Variants in CNBD2 observed in about 807,000 individuals in gnomAD.
CNBD2 encodes cyclic nucleotide binding domain containing 2.
CNBD2 carries 64 observed loss-of-function variants against 63.7 expected under a neutral mutation model. That is an observed-to-expected ratio of 1.00 (90% CI 0.82 to 1.24). The LOEUF (loss-of-function observed/expected upper bound fraction) is 1.24. Among genes scored for constraint, CNBD2 ranks in the 50% most tolerant of loss-of-function variants. The probability of loss-of-function intolerance (pLI) is 0.00; values close to 1 mark genes in which losing one functional copy is unlikely to be tolerated. For synonymous variants in CNBD2, 229 were observed against 255.4 expected, an observed-to-expected ratio of 0.90 and a Z score of 0.99; for missense variants, 691 against 713.5, an observed-to-expected ratio of 0.97 and a Z score of 0.36.
At chr20:36,018,876 A>T (rs2057170189) in intron 10 of CNBD2, among the ~76,000 whole-genome samples, 2 of 152,172 alleles carry the variant, frequency 1.3e-5, no homozygotes, top group Admixed American at 1.3e-4. Flanking sequence ...TCCCTTTCTG[A>T]ATCTATGTCA....
At chr20:35,955,180 C>T (rs1000532386) in exon 1 of CNBD2, 2 of 163,962 alleles carry the variant, frequency 1.2e-5, no homozygotes, top group Admixed American at 1.3e-4. Flanking sequence ...TGAGTTGACT[C>T]AGCTCTTGCA....
At chr20:35,954,886 G>A (rs567139292) in exon 1 of CNBD2, 554 of 279,916 alleles carry the variant, frequency 2.0e-3, no homozygotes, top group Non-Finnish European at 3.6e-3. Flanking sequence ...GTGGTGACCC[G>A]AACAGGAGAG....
At chr20:36,000,740 A>G (rs1601067245) in intron 8 of CNBD2, among the ~76,000 whole-genome samples, 1 of 126,192 alleles carries the variant, frequency 7.9e-6, no homozygotes, top group Non-Finnish European at 1.7e-5. Context: ...TTTTTTTTTC[A>G]TTTGTGTATG....
intron 1 of CNBD2, among the ~76,000 whole-genome samples, chr20:35,972,387 G>A (rs1273494905): frequency 6.6e-6 from 1 of 152,172 alleles, no homozygotes; most frequent in Non-Finnish European, 1.5e-5. Context: ...GGGGAGAGAT[G>A]TCCTGACTAG....
intron 2 of CNBD2, chr20:35,973,518 TC>T (rs1470060903): frequency 2.6e-5 from 4 of 152,170 alleles, no homozygotes; most frequent in African/African-American, 9.7e-5. Flanking sequence ...CACACCATTC[TC>T]CTGCCTCAGC....
intron 6 of CNBD2, among the ~76,000 whole-genome samples, chr20:35,985,141 TA>T (rs1294428743): frequency 2.0e-5 from 3 of 151,180 alleles, no homozygotes; most frequent in African/African-American, 7.3e-5. Context: ...AATAAAAAAT[TA>T]AAAAAAATTA....
At chr20:35,980,829 A>G (rs1394565685) in intron 4 of CNBD2, among the ~76,000 whole-genome samples, 2 of 152,196 alleles carry the variant, frequency 1.3e-5, no homozygotes, top group Non-Finnish European at 2.9e-5. Context: ...TTAAAGGGCC[A>G]TTAAATCTGG....
At position 35,987,573 on chromosome 20, in the gene CNBD2, G is replaced by A. The variant is rs1409081883; in HGVS notation, c.855+40G>A. 3 of 1,610,944 alleles carry A rather than the reference G, an allele frequency of 1.9e-6. No individual in the cohort carries two copies. The African/African-American group carries it at 4.0e-5, about 22-fold the overall frequency. On this transcript the variant is annotated intron_variant, in intron 7 of 11. Transcript: ENST00000373973. ...GGTTGGGATGAGGGTGAACCTCTGA[G>A]GAGCATGCCTAAGATCATGTCCTGT...
At chr20:36,015,243 T>G (rs2057118355) in intron 10 of CNBD2, among the ~76,000 whole-genome samples, 1 of 152,236 alleles carries the variant, frequency 6.6e-6, no homozygotes, top group South Asian at 2.1e-4. Flanking sequence ...TTGTTTAAGT[T>G]CATTATACAT....
At chr20:36,008,124 C>T in intron 8 of CNBD2, among the ~76,000 whole-genome samples, 173 bp from the exon 9 acceptor site, 1 of 152,098 alleles carries the variant, frequency 6.6e-6, no homozygotes, top group East Asian at 1.9e-4. Flanking sequence ...GGGCCTGCCA[C>T]CCAGGGACAT....
chr20:35,984,911 C>T (rs969572087), intron 6 of CNBD2, 133 bp downstream of exon 6: 7 of 832,864 alleles, frequency 8.4e-6, no homozygotes, highest in African/African-American at 6.7e-5. Context: ...AGTCCCACCT[C>T]GTACCCACCT....
chr20:36,005,521 A>G (rs945418092), intron 8 of CNBD2, among the ~76,000 whole-genome samples: 2 of 152,202 alleles, frequency 1.3e-5, no homozygotes, highest in African/African-American at 4.8e-5. Flanking sequence ...AATCCAGTGC[A>G]TACTGACTAC....
chr20:35,968,538 C>T, upstream of CNBD2: 1 of 454,750 alleles, frequency 2.2e-6, no homozygotes, highest in Non-Finnish European at 4.1e-6. Context: ...GTGTCCCCTG[C>T]CTCCAGAATC....
intron 9 of CNBD2, among the ~76,000 whole-genome samples, chr20:36,009,489 A>G (rs2057029772): frequency 1.3e-5 from 2 of 150,962 alleles, no homozygotes; most frequent in Admixed American, 1.3e-4. Context: ...GGCATGAGCC[A>G]CCACGCCCAA....
rs757826534 is a variant in CNBD2 at position 36,008,496 on chromosome 20, T to C, written c.1148+22T>C. 3.1e-6 allele frequency: 5 copies of C among 1,590,886 alleles called. No individual in the cohort carries two copies. The East Asian group carries it at 1.1e-4, about 36-fold the overall frequency. ...TCCAGTAAGCTCAGCCCTGGGCAGA[T>C]AGACGGGTCCAGATTGTGGTTGCAA... On this transcript the variant is annotated intron_variant, in intron 9 of 11. Coordinates refer to ENST00000373973, the MANE Select transcript of CNBD2 (RefSeq NM_001365709.1).
chr20:35,986,761 T>C (rs900660497), intron 6 of CNBD2, among the ~76,000 whole-genome samples: 2 of 152,058 alleles, frequency 1.3e-5, no homozygotes, highest in African/African-American at 4.8e-5. Flanking sequence ...AAATCTGAGA[T>C]GATTGTTGGC....
intron 11 of CNBD2, among the ~76,000 whole-genome samples, chr20:36,028,543 A>T (rs1462541325): frequency 6.6e-6 from 1 of 152,166 alleles, no homozygotes; most frequent in Admixed American, 6.6e-5. Flanking sequence ...AGGGCGGCCC[A>T]TGTGGGGTAG....
At chr20:35,984,581 A>C in intron 5 of CNBD2, 46 bp from the exon 6 acceptor site, 1 of 1,600,364 alleles carries the variant, frequency 6.2e-7, no homozygotes, top group Non-Finnish European at 8.5e-7. Context: ...TGAGGACAGG[A>C]AGTGGAGGTG....
At chr20:35,989,233 T>C (rs539802385) in intron 7 of CNBD2, among the ~76,000 whole-genome samples, 44 of 152,296 alleles carry the variant, frequency 2.9e-4, no homozygotes, top group African/African-American at 1.1e-3. Flanking sequence ...TTCAAGAACT[T>C]GGATTTAGGA....
Sources: allele counts gnomAD v4.1 joint callset (sites outside exome capture counted in the v4.1 genomes callset), GRCh38; gene constraint gnomAD v4.1.1; transcripts MANE v1.5; gene names NCBI Gene and HGNC (gene_info 2026-07-23, HGNC 2026-07-21).